Variants in NRXN3 observed in about 807,000 individuals in gnomAD.
NRXN3 encodes neurexin III.
A neutral mutation model predicts 137.6 loss-of-function variants in NRXN3; 32 were observed. That is an observed-to-expected ratio of 0.23 (90% CI 0.18 to 0.31). NRXN3 has a LOEUF of 0.31. Ranked by LOEUF, NRXN3 falls within the 10% of genes least tolerant of loss-of-function variation. The probability of loss-of-function intolerance (pLI) is 1.00; values close to 1 mark genes in which losing one functional copy is unlikely to be tolerated. For synonymous variants in NRXN3, 798 were observed against 784.5 expected (o/e 1.02, Z -0.29); for missense variants, 1,574 against 2,062.5 (o/e 0.76, Z 4.59).
At chr14:79,656,399 G>A (rs79038399) in intron 16 of NRXN3, among the ~76,000 whole-genome samples, 1,976 of 152,250 alleles carry the variant, frequency 0.013, 52 homozygotes, top group African/African-American at 0.045. Context: ...AAATAAACCA[G>A]CATGACATTG....
chr14:78,596,424 C>G (rs1032010014), intron 4 of NRXN3, among the ~76,000 whole-genome samples: 4 of 152,186 alleles, frequency 2.6e-5, no homozygotes, highest in African/African-American at 9.7e-5. Flanking sequence ...TGTGCTGTGG[C>G]TTCCCCATCT....
At chr14:79,173,813 C>G (rs1029066341) in intron 15 of NRXN3, among the ~76,000 whole-genome samples, 1 of 152,096 alleles carries the variant, frequency 6.6e-6, no homozygotes, top group African/African-American at 2.4e-5. Context: ...ACTATATAGG[C>G]TTTCATCCTC....
intron 15 of NRXN3, among the ~76,000 whole-genome samples, chr14:79,118,932 A>G (rs966716221): frequency 3.3e-5 from 5 of 152,198 alleles, no homozygotes; most frequent in Non-Finnish European, 5.9e-5. Context: ...ACAATTTATT[A>G]GCGGATTCTT....
At chr14:79,300,033 G>A (rs146036738) in intron 15 of NRXN3, among the ~76,000 whole-genome samples, 3 of 152,116 alleles carry the variant, frequency 2.0e-5, no homozygotes, top group African/African-American at 7.2e-5. Context: ...AGTCACCCTA[G>A]TAACTATAAT....
At chr14:79,808,261 T>C (rs1040107146) in intron 20 of NRXN3, among the ~76,000 whole-genome samples, 4 of 141,566 alleles carry the variant, frequency 2.8e-5, no homozygotes, top group Non-Finnish European at 4.6e-5. Flanking sequence ...AAAAAATATA[T>C]ATATATATAT....
chr14:78,443,357 A>G (rs2094318830), intron 4 of NRXN3, among the ~76,000 whole-genome samples: 1 of 152,192 alleles, frequency 6.6e-6, no homozygotes, highest in South Asian at 2.1e-4. Flanking sequence ...GCATGTGGGC[A>G]TGTACACACA....
intron 4 of NRXN3, among the ~76,000 whole-genome samples, chr14:78,407,791 T>C (rs1280750547): frequency 2.6e-5 from 4 of 152,244 alleles, no homozygotes; most frequent in Non-Finnish European, 5.9e-5. Context: ...GAAGTCGTAT[T>C]GATTTTATAT....
At chr14:78,526,675 C>A in intron 4 of NRXN3, 1 of 482,660 alleles carries the variant, frequency 2.1e-6, no homozygotes, top group Non-Finnish European at 4.1e-6. Flanking sequence ...CTTACTTGTG[C>A]ACCGTGCACT....
At chr14:79,523,451 A>T (rs1601612719) in intron 16 of NRXN3, among the ~76,000 whole-genome samples, 1 of 152,068 alleles carries the variant, frequency 6.6e-6, no homozygotes, top group Admixed American at 6.5e-5. Flanking sequence ...CTAACAGCCA[A>T]TTCCCTGAAA....
intron 1 of NRXN3, among the ~76,000 whole-genome samples, chr14:78,235,036 ATGTGTG>A (rs56692474): frequency 3.0e-4 from 40 of 132,720 alleles, no homozygotes; most frequent in African/African-American, 1.1e-3. Context: ...GTATATATAT[ATGTGTG>A]TGTGTGTGTG....
chr14:78,551,493 C>G (rs2098518), intron 4 of NRXN3, among the ~76,000 whole-genome samples: 50,417 of 151,800 alleles, frequency 0.33, 9,040 homozygotes, highest in Admixed American at 0.38. Flanking sequence ...TTTGCTCTTC[C>G]TCTTCCCTTC....
intron 16 of NRXN3, among the ~76,000 whole-genome samples, chr14:79,493,182 T>C (rs1001057499): frequency 6.6e-6 from 1 of 152,174 alleles, no homozygotes; most frequent in Non-Finnish European, 1.5e-5. Context: ...TCCAGACAGA[T>C]CAATACCACA....
chr14:79,151,052 G>A (rs553826372), intron 15 of NRXN3, among the ~76,000 whole-genome samples: 43 of 152,166 alleles, frequency 2.8e-4, no homozygotes, highest in Admixed American at 6.5e-4. Context: ...ATCAGGCTCT[G>A]AAAGAATTTT....
intron 16 of NRXN3, among the ~76,000 whole-genome samples, chr14:79,607,209 A>G (rs1289691656): frequency 6.6e-6 from 1 of 152,256 alleles, no homozygotes. Context: ...TTTTACAAAC[A>G]TTGCAGATTT....
At chr14:78,780,008 T>C (rs1176553219) in intron 8 of NRXN3, among the ~76,000 whole-genome samples, 1 of 152,006 alleles carries the variant, frequency 6.6e-6, no homozygotes, top group East Asian at 1.9e-4. Context: ...AGACAACTCT[T>C]GGGGGTGGGG....
chr14:79,808,629 T>C (rs183104454), intron 20 of NRXN3, among the ~76,000 whole-genome samples: 26 of 152,164 alleles, frequency 1.7e-4, no homozygotes, highest in Admixed American at 1.0e-3. Flanking sequence ...TGCCAGCGAG[T>C]TTATTATTTT....
chr14:78,455,800 C>T (rs1598886963), intron 4 of NRXN3, among the ~76,000 whole-genome samples: 1 of 152,194 alleles, frequency 6.6e-6, no homozygotes, highest in Non-Finnish European at 1.5e-5. Flanking sequence ...TACTCACCCT[C>T]TTTTGCCCAG....
intron 15 of NRXN3, among the ~76,000 whole-genome samples, chr14:79,173,421 A>G (rs906821879): frequency 6.7e-6 from 1 of 150,186 alleles, no homozygotes; most frequent in Non-Finnish European, 1.5e-5. Flanking sequence ...AGTCTCAGCT[A>G]TTCAGAAGAC....
intron 16 of NRXN3, among the ~76,000 whole-genome samples, chr14:79,491,338 A>G (rs1328273048): frequency 6.6e-6 from 1 of 152,122 alleles, no homozygotes. Flanking sequence ...ATGTTTTTCT[A>G]TTCTATGGCA....
Sources: gnomAD v4.1 joint callset for allele counts (sites outside exome capture counted in the v4.1 genomes callset) on GRCh38, gnomAD v4.1.1 for gene constraint, MANE v1.5 for transcripts, NCBI Gene and HGNC (gene_info 2026-07-23, HGNC 2026-07-21) for gene names.